Variants in CATSPER3 observed in about 807,000 individuals in gnomAD.
CATSPER3 encodes cation channel sperm associated 3, also known as cation channel sperm-associated protein 3.
CATSPER3 carries 23 observed loss-of-function variants against 36.6 expected under a neutral mutation model. The ratio of observed to expected loss-of-function variants is 0.63; its 90% CI spans 0.45 to 0.89. The LOEUF (loss-of-function observed/expected upper bound fraction) is 0.89, where lower values mean the gene tolerates loss of function less well. CATSPER3 is among the 40% of genes least tolerant of loss of function. The pLI, the probability that CATSPER3 is intolerant of heterozygous loss-of-function variation, is 0.00. For synonymous variants in CATSPER3, 172 were observed against 184.1 expected, an observed-to-expected ratio of 0.93 and a Z score of 0.53; for missense variants, 474 against 503.9, an observed-to-expected ratio of 0.94 and a Z score of 0.57.
intron 2 of CATSPER3, among the ~76,000 whole-genome samples, chr5:134,981,446 A>G (rs1233507259): frequency 6.6e-6 from 1 of 152,174 alleles, no homozygotes; most frequent in Non-Finnish European, 1.5e-5. Context: ...AGATTGTGCC[A>G]CTGCACTCTA....
chr5:134,992,800 T>C (rs1167673744), intron 2 of CATSPER3, among the ~76,000 whole-genome samples: 1 of 152,208 alleles, frequency 6.6e-6, no homozygotes, highest in Non-Finnish European at 1.5e-5. Context: ...ACTGCATTGC[T>C]TGTGGGAGTG....
intron 4 of CATSPER3, 56 bp downstream of exon 4, chr5:135,008,195 G>A (rs1355243653): frequency 3.4e-6 from 5 of 1,462,132 alleles, no homozygotes; most frequent in Non-Finnish European, 2.9e-6. Context: ...GACAGCCTAG[G>A]TGGTGCAAGC....
In CATSPER3 at chr5:134,978,372, A is replaced by T. The variant is rs549520948; in HGVS notation, c.252+8280A>T. Among the ~76,000 whole-genome samples, 43 of 152,340 alleles carry T rather than the reference A, an allele frequency of 2.8e-4. 1 individual carries two copies. The highest frequency in any genetic ancestry group is 9.4e-4 in the African/African-American group (39 of 41,574). On this transcript the variant is annotated intron_variant, in intron 2 of 7. Transcript: ENST00000282611. Reference sequence around the variant, plus strand: ...AATATGCTGATTACCCTGATTTGACATTACACATTGTATATATGTCTTGAA... The same window carrying T: ...AATATGCTGATTACCCTGATTTGACTTTACACATTGTATATATGTCTTGAA...
At chr5:134,976,358 C>CA (rs1417491387) in intron 2 of CATSPER3, among the ~76,000 whole-genome samples, 4 of 150,908 alleles carry the variant, frequency 2.7e-5, no homozygotes, top group South Asian at 2.1e-4. Context: ...ACCCCACCCC[C>CA]AAAAAAACCC....
Position 134,996,491 on chromosome 5 carries a change from C to A in CATSPER3, c.471C>A (p.Ile157=). 6.2e-7 allele frequency: 1 copy of A among 1,614,170 alleles called. No individual in the cohort carries two copies. Among genetic ancestry groups the A allele is most frequent in the Non-Finnish European group, 8.5e-7 (1 of 1,180,028 alleles). The change falls in exon 3 of 8, where the codon ATC becomes ATA. Residue 157 remains isoleucine, a synonymous_variant. Coordinates refer to ENST00000282611, the MANE Select transcript of CATSPER3 (RefSeq NM_178019.3). The part of the protein sequence containing the change: ...GMQSLRILKL[I]GYSQGIRTLI... ...AGTCCCTGCGCATCCTCAAGCTTATCGGCTATAGCCAGGGCATCCGGGTGA... is the reference window on the plus strand; with the variant it reads ...AGTCCCTGCGCATCCTCAAGCTTATAGGCTATAGCCAGGGCATCCGGGTGA...
intron 2 of CATSPER3, among the ~76,000 whole-genome samples, chr5:134,990,127 C>T (rs1486788494): frequency 2.6e-5 from 4 of 152,046 alleles, no homozygotes; most frequent in Non-Finnish European, 4.4e-5. Flanking sequence ...GCGTGAACCC[C>T]GAAAATCTGA....
intron 2 of CATSPER3, among the ~76,000 whole-genome samples, chr5:134,989,927 A>G (rs1252413390): frequency 6.6e-6 from 1 of 152,122 alleles, no homozygotes; most frequent in African/African-American, 2.4e-5. Context: ...TCACTTGAAC[A>G]CTTACAGATC....
At chr5:134,977,622 T>C (rs980354289) in intron 2 of CATSPER3, among the ~76,000 whole-genome samples, 18 of 152,182 alleles carry the variant, frequency 1.2e-4, no homozygotes, top group Non-Finnish European at 7.3e-5. Context: ...ACTTCCAAGC[T>C]CTTCCATTCT....
chr5:134,978,684 A>G (rs1010279402), intron 2 of CATSPER3, among the ~76,000 whole-genome samples: 3 of 152,054 alleles, frequency 2.0e-5, no homozygotes, highest in Admixed American at 6.6e-5. Context: ...CTTTGTTCAC[A>G]TATATATTTT....
chr5:134,971,024 A>T (rs1204434561), intron 2 of CATSPER3, among the ~76,000 whole-genome samples: 1 of 151,658 alleles, frequency 6.6e-6, no homozygotes, highest in Non-Finnish European at 1.5e-5. Flanking sequence ...ATCTCGGCTC[A>T]CTGCAAGCTC....
chr5:135,011,507 G>A lies in CATSPER3; in HGVS notation c.1095-14G>A. Reference sequence around the variant, plus strand: ...CTGACCTCAGATCTTATCTCCTCCTGCTCCATTTTTCAGGCTTCAAGAGCT... The same window carrying A: ...CTGACCTCAGATCTTATCTCCTCCTACTCCATTTTTCAGGCTTCAAGAGCT... On this transcript the variant is annotated splice_polypyrimidine_tract_variant and intron_variant, in intron 7 of 7. Transcript: ENST00000282611. The A allele has an allele frequency of 6.2e-7, 1 of 1,603,756 alleles. No homozygotes were observed. Among genetic ancestry groups the A allele is most frequent in the Non-Finnish European group, 8.5e-7 (1 of 1,171,452 alleles).
intron 2 of CATSPER3, among the ~76,000 whole-genome samples, chr5:134,988,964 C>G (rs1751847582): frequency 1.3e-5 from 2 of 152,136 alleles, no homozygotes; most frequent in Non-Finnish European, 2.9e-5. Flanking sequence ...GTTGAAATGA[C>G]TCCTTGATCA....
At chr5:135,006,663 A>G (rs1030916716) in intron 3 of CATSPER3, among the ~76,000 whole-genome samples, 6 of 151,706 alleles carry the variant, frequency 4.0e-5, no homozygotes, top group Non-Finnish European at 7.4e-5. Context: ...GTGAAACCTC[A>G]TCTCTACTAA....
chr5:135,007,237 C>T (rs564566141), intron 3 of CATSPER3, among the ~76,000 whole-genome samples: 28 of 152,284 alleles, frequency 1.8e-4, no homozygotes, highest in African/African-American at 4.3e-4. Context: ...GAGCCTCTGA[C>T]GGCTCATTTT....
intron 2 of CATSPER3, among the ~76,000 whole-genome samples, chr5:134,990,646 C>G (rs1389804415): frequency 1.3e-5 from 2 of 152,106 alleles, no homozygotes; most frequent in African/African-American, 2.4e-5. Flanking sequence ...GTGAGAATTA[C>G]CAAAATATGA....
At chr5:135,005,639 C>T (rs1047049865) in intron 3 of CATSPER3, among the ~76,000 whole-genome samples, 1 of 152,226 alleles carries the variant, frequency 6.6e-6, no homozygotes, top group Non-Finnish European at 1.5e-5. Context: ...ATCTCAGAGC[C>T]CAGAGATGGC....
At chr5:134,990,922 TAAC>T (rs1751871554) in intron 2 of CATSPER3, among the ~76,000 whole-genome samples, 1 of 152,156 alleles carries the variant, frequency 6.6e-6, no homozygotes, top group African/African-American at 2.4e-5. Context: ...GATACAAGAT[TAAC>T]AACAAAATCA....
chr5:135,003,294 G>A (rs1015569700), intron 3 of CATSPER3, among the ~76,000 whole-genome samples: 4 of 152,336 alleles, frequency 2.6e-5, no homozygotes, highest in Middle Eastern at 3.4e-3. Flanking sequence ...AAAGGTTGCT[G>A]CCTGATTGTT....
chr5:134,986,934 C>T (rs1751819051), intron 2 of CATSPER3, among the ~76,000 whole-genome samples: 1 of 152,086 alleles, frequency 6.6e-6, no homozygotes, highest in African/African-American at 2.4e-5. Flanking sequence ...GGTCTCAAAT[C>T]AGTAACCTAA....
Sources: allele counts gnomAD v4.1 joint callset (sites outside exome capture counted in the v4.1 genomes callset), GRCh38; gene constraint gnomAD v4.1.1; transcripts MANE v1.5; gene names NCBI Gene and HGNC (gene_info 2026-07-23, HGNC 2026-07-21).